The following CFAP54 variants were observed in gnomAD, a reference collection of about 807,000 sequenced individuals.
The protein encoded by CFAP54 is cilia and flagella associated protein 54, also known as cilia- and flagella-associated protein 54.
CFAP54 carries 290 observed loss-of-function variants against 370.4 expected under a neutral mutation model. That is an observed-to-expected ratio of 0.78 (90% CI 0.71 to 0.86). CFAP54 has a LOEUF of 0.86. Among genes scored for constraint, CFAP54 ranks in the 40% least tolerant of loss-of-function variants. The probability of loss-of-function intolerance (pLI) is 0.00; values close to 1 mark genes in which losing one functional copy is unlikely to be tolerated. For missense variants in CFAP54, 3,399 were observed against 3,528.7 expected (o/e 0.96, Z 0.93); for synonymous variants, 1,206 against 1,236.5 (o/e 0.98, Z 0.52).
chr12:96,743,005 A>C (rs1175476570), intron 52 of CFAP54, among the ~76,000 whole-genome samples: 2 of 152,192 alleles, frequency 1.3e-5, no homozygotes, highest in Admixed American at 1.3e-4. Flanking sequence ...AATGGAGACA[A>C]TTGTACCTAC....
intron 4 of CFAP54, among the ~76,000 whole-genome samples, chr12:96,509,216 A>G (rs534940400): frequency 5.5e-4 from 83 of 152,236 alleles, no homozygotes; most frequent in African/African-American, 1.6e-3. Context: ...TAGAGAGAGG[A>G]GGGGCTGGGC....
intron 19 of CFAP54, among the ~76,000 whole-genome samples, chr12:96,565,876 A>G (rs1384826336): frequency 2.6e-5 from 4 of 152,208 alleles, no homozygotes; most frequent in Admixed American, 1.3e-4. Flanking sequence ...TGTAGTTCCC[A>G]TAATCCCTAT....
chr12:96,834,007 G>A (rs997427340), intron 66 of CFAP54, among the ~76,000 whole-genome samples: 3 of 152,130 alleles, frequency 2.0e-5, no homozygotes, highest in Non-Finnish European at 4.4e-5. Flanking sequence ...CTTGATAAAA[G>A]TAGAAGGCAG....
At chr12:96,735,780 G>C (rs1482014470) in intron 50 of CFAP54, among the ~76,000 whole-genome samples, 1 of 152,158 alleles carries the variant, frequency 6.6e-6, no homozygotes, top group African/African-American at 2.4e-5. Flanking sequence ...TTGAGAAATA[G>C]AGAAGCAGAG....
intron 60 of CFAP54, among the ~76,000 whole-genome samples, chr12:96,778,568 C>G (rs930093510): frequency 6.6e-6 from 1 of 152,140 alleles, no homozygotes; most frequent in Non-Finnish European, 1.5e-5. Flanking sequence ...ATACATTCTA[C>G]TTGATGACAA....
intron 50 of CFAP54, among the ~76,000 whole-genome samples, chr12:96,722,216 T>C (rs984894613): frequency 6.6e-6 from 1 of 152,210 alleles, no homozygotes; most frequent in Non-Finnish European, 1.5e-5. Context: ...GAACCTGCTC[T>C]GATCTTCTTG....
In CFAP54 at chr12:96,527,432, G is replaced by T. The variant is rs1314090338; in HGVS notation, c.1345G>T (p.Glu449Ter). 10 of 1,515,512 alleles carry T rather than the reference G, an allele frequency of 6.6e-6. No homozygotes were observed. Among genetic ancestry groups the T allele is most frequent in the Non-Finnish European group, 8.8e-6 (10 of 1,135,362 alleles). The allele number at this position is 1,515,512 out of a possible 1,614,324, so 93.9% of individuals were successfully genotyped here. Residue 449 changes from glutamate to a stop codon, truncating the protein, a stop_gained, in exon 9 of 68, where the codon GAA becomes TAA. Coordinates refer to ENST00000524981, the MANE Select transcript of CFAP54 (RefSeq NM_001306084.2). LOFTEE classifies it high-confidence loss of function. ...CTCAGAATTGTTTATGGCAGGAAAA[G>T]AACTTTTGATAAGTAAATAAGATGT... Reference protein sequence around the residue: ...VVSELFMAGKELLIMSNIGAD... With the variant: ...VVSELFMAGK
intron 62 of CFAP54, among the ~76,000 whole-genome samples, chr12:96,789,913 C>T (rs1958670312): frequency 6.6e-6 from 1 of 152,100 alleles, no homozygotes; most frequent in African/African-American, 2.4e-5. Context: ...TATATAAACT[C>T]CAAGCTTGGC....
intron 17 of CFAP54, among the ~76,000 whole-genome samples, chr12:96,556,567 G>A (rs1955754477): frequency 1.3e-5 from 2 of 151,936 alleles, no homozygotes; most frequent in African/African-American, 4.8e-5. Flanking sequence ...CTGAACTGCA[G>A]CTCACTGAGC....
At chr12:96,629,257 C>T (rs945683188) in intron 30 of CFAP54, among the ~76,000 whole-genome samples, 6 of 151,998 alleles carry the variant, frequency 3.9e-5, no homozygotes, top group East Asian at 3.8e-4. Context: ...TTTTATTATA[C>T]GATTATAATA....
At chr12:96,664,689 GTATATATCTATATATATATA>G (rs1957040577) in intron 39 of CFAP54, among the ~76,000 whole-genome samples, 1 of 26,298 alleles carries the variant, frequency 3.8e-5, no homozygotes, top group Non-Finnish European at 6.7e-5. Flanking sequence ...ATTCCTTTGG[GTATATATCTATATATATATA>G]TATATCTATA....
At chr12:96,641,944 G>A (rs1223770354) in intron 32 of CFAP54, among the ~76,000 whole-genome samples, 2 of 150,466 alleles carry the variant, frequency 1.3e-5, no homozygotes, top group African/African-American at 4.9e-5. Context: ...GGTGCGGGGG[G>A]GGAGGGATAG....
intron 26 of CFAP54, among the ~76,000 whole-genome samples, chr12:96,614,310 A>G (rs1251999129): frequency 1.1e-4 from 16 of 152,238 alleles, no homozygotes; most frequent in Non-Finnish European, 2.2e-4. Context: ...ACAAAATTCA[A>G]CAGCCCTTCA....
chr12:96,755,128 T>A (rs796921994), intron 56 of CFAP54, among the ~76,000 whole-genome samples: 11 of 152,284 alleles, frequency 7.2e-5, no homozygotes, highest in African/African-American at 2.4e-4. Flanking sequence ...TCATAGAGAG[T>A]TTTCAGCCAT....
chr12:96,703,002 C>T (rs562059907), intron 46 of CFAP54, among the ~76,000 whole-genome samples: 1 of 152,142 alleles, frequency 6.6e-6, no homozygotes, highest in South Asian at 2.1e-4. Flanking sequence ...TTAATGTATA[C>T]CACCAAGAAT....
At chr12:96,651,065 A>T (rs1033374669) in intron 35 of CFAP54, among the ~76,000 whole-genome samples, 12 of 152,178 alleles carry the variant, frequency 7.9e-5, no homozygotes, top group African/African-American at 2.6e-4. Flanking sequence ...CAATATTCAG[A>T]TGTTTGCTCA....
intron 60 of CFAP54, among the ~76,000 whole-genome samples, chr12:96,775,064 C>T (rs528562259): frequency 1.3e-5 from 2 of 152,262 alleles, no homozygotes; most frequent in South Asian, 4.1e-4. Flanking sequence ...TGAACCTACT[C>T]AACTTGCTAT....
At chr12:96,694,491 A>ACACACACACACGCG (rs1226635871) in intron 45 of CFAP54, among the ~76,000 whole-genome samples, 3 of 151,556 alleles carry the variant, frequency 2.0e-5, no homozygotes, top group African/African-American at 7.2e-5. Context: ...TATCTTACGC[A>ACACACACACACGCG]CACACACACA....
intron 49 of CFAP54, among the ~76,000 whole-genome samples, chr12:96,719,645 C>T (rs1957725608): frequency 1.3e-5 from 2 of 152,210 alleles, no homozygotes; most frequent in Non-Finnish European, 1.5e-5. Flanking sequence ...CGTGAACACA[C>T]GCAGAGCACA....
Sources: allele counts gnomAD v4.1 joint callset (sites outside exome capture counted in the v4.1 genomes callset), GRCh38; gene constraint gnomAD v4.1.1; transcripts MANE v1.5; gene names NCBI Gene and HGNC (gene_info 2026-07-23, HGNC 2026-07-21).